Variants in FAF1 observed in about 807,000 individuals in gnomAD.
FAF1 encodes Fas associated factor 1.
FAF1 carries 25 observed loss-of-function variants against 92.5 expected under a neutral mutation model. The ratio of observed to expected loss-of-function variants is 0.27; its 90% CI spans 0.20 to 0.38. The LOEUF (loss-of-function observed/expected upper bound fraction) is 0.38. Among genes scored for constraint, FAF1 ranks in the 10% least tolerant of loss-of-function variants. FAF1 has a pLI of 1.00. For synonymous variants in FAF1, 234 were observed against 273.2 expected (o/e 0.86, Z 1.42); for missense variants, 636 against 793.3 (o/e 0.80, Z 2.38).
At chr1:50,852,781 T>C in intron 2 of FAF1, among the ~76,000 whole-genome samples, 1 of 152,180 alleles carries the variant, frequency 6.6e-6, no homozygotes, top group Admixed American at 6.6e-5. Context: ...TTTTGGGGAC[T>C]GCTGTGAGGA....
At chr1:50,875,143 C>A (rs1383174709) in intron 1 of FAF1, among the ~76,000 whole-genome samples, 4 of 152,062 alleles carry the variant, frequency 2.6e-5, no homozygotes, top group Non-Finnish European at 4.4e-5. Flanking sequence ...TCATACCAAT[C>A]TGAATCTATT....
intron 2 of FAF1, among the ~76,000 whole-genome samples, chr1:50,807,711 CA>C (rs1260012826): frequency 6.6e-6 from 1 of 151,800 alleles, no homozygotes; most frequent in Non-Finnish European, 1.5e-5. Context: ...TTCAGTCAGA[CA>C]AAAATTAAAA....
At chr1:50,826,058 A>C (rs2124626167) in intron 2 of FAF1, among the ~76,000 whole-genome samples, 1 of 152,338 alleles carries the variant, frequency 6.6e-6, no homozygotes, top group East Asian at 1.9e-4. Flanking sequence ...GATACATATT[A>C]AGTATGAAGA....
At chr1:50,681,756 T>G (rs1419537950) in intron 7 of FAF1, among the ~76,000 whole-genome samples, 1 of 151,532 alleles carries the variant, frequency 6.6e-6, no homozygotes, top group Non-Finnish European at 1.5e-5. Flanking sequence ...TGACCTCAGG[T>G]GATCCACCTG....
At chr1:50,701,877 T>TCAA (rs1657487975) in intron 7 of FAF1, among the ~76,000 whole-genome samples, 1 of 152,026 alleles carries the variant, frequency 6.6e-6, no homozygotes, top group South Asian at 2.1e-4. Flanking sequence ...AAGAACTAAA[T>TCAA]CAACAATAAT....
rs538636013 is a variant in FAF1 at position 50,444,578 on chromosome 1, C to T, written c.1870-3055G>A. The stretch of plus-strand genomic sequence containing the variant: ...CAGACAGCAGCTGCCGACGTGGCTA[C>T]TACTGCTTCTCTTATCTTTCTCCCT... On this transcript the variant is annotated intron_variant, in intron 18 of 18. Coordinates refer to ENST00000396153, the MANE Select transcript of FAF1 (RefSeq NM_007051.3). Among the ~76,000 whole-genome samples the T allele has an allele frequency of 3.2e-4, 49 of 152,342 alleles. No individual in the cohort carries two copies. In the East Asian group the frequency reaches 8.9e-3, roughly 28 times the overall value.
intron 6 of FAF1, among the ~76,000 whole-genome samples, chr1:50,710,653 A>G (rs539734806): frequency 6.6e-6 from 1 of 151,398 alleles, no homozygotes; most frequent in Non-Finnish European, 1.5e-5. Context: ...CCCAGGCTGG[A>G]GTGCAGTGGT....
intron 4 of FAF1, among the ~76,000 whole-genome samples, chr1:50,767,197 T>G (rs1660608023): frequency 6.6e-6 from 1 of 152,104 alleles, no homozygotes; most frequent in African/African-American, 2.4e-5. Context: ...ACATCAGAAT[T>G]AGCCAACTGG....
At chr1:50,522,361 G>A (rs919552055) in intron 15 of FAF1, among the ~76,000 whole-genome samples, 1 of 152,062 alleles carries the variant, frequency 6.6e-6, no homozygotes, top group Admixed American at 6.6e-5. Flanking sequence ...ACCTCTATAA[G>A]CCTCAGTTTC....
chr1:50,957,496 C>T (rs1398617133), intron 1 of FAF1, among the ~76,000 whole-genome samples: 1 of 151,816 alleles, frequency 6.6e-6, no homozygotes, highest in Non-Finnish European at 1.5e-5. Context: ...GGACTACAGG[C>T]GCCCGCCACC....
At chr1:50,575,460 T>A (rs1051441870) in intron 12 of FAF1, among the ~76,000 whole-genome samples, 2 of 152,344 alleles carry the variant, frequency 1.3e-5, no homozygotes, top group Non-Finnish European at 2.9e-5. Context: ...TAGATTTTTT[T>A]AAAAATCACA....
intron 18 of FAF1, among the ~76,000 whole-genome samples, chr1:50,473,087 A>C (rs755521949): frequency 1.3e-5 from 2 of 152,168 alleles, no homozygotes; most frequent in Non-Finnish European, 2.9e-5. Flanking sequence ...ATTCAACAAC[A>C]GTTACTGATG....
intron 4 of FAF1, among the ~76,000 whole-genome samples, chr1:50,770,591 T>A (rs556639944): frequency 6.6e-6 from 1 of 152,180 alleles, no homozygotes; most frequent in South Asian, 2.1e-4. Context: ...AAAGACTGCA[T>A]GAAGATATTA....
At chr1:50,830,079 C>A (rs1644138422) in intron 2 of FAF1, among the ~76,000 whole-genome samples, 2 of 152,130 alleles carry the variant, frequency 1.3e-5, no homozygotes, top group African/African-American at 4.8e-5. Flanking sequence ...TCATGACCCC[C>A]AAGGTATCAT....
chr1:50,477,603 C>G (rs1646654051), intron 17 of FAF1, among the ~76,000 whole-genome samples: 1 of 152,114 alleles, frequency 6.6e-6, no homozygotes, highest in South Asian at 2.1e-4. Context: ...AAATATTAAA[C>G]TATTTTAGTA....
At chr1:50,773,182 G>A (rs1660832032) in intron 4 of FAF1, among the ~76,000 whole-genome samples, 1 of 152,224 alleles carries the variant, frequency 6.6e-6, no homozygotes, top group East Asian at 1.9e-4. Flanking sequence ...CTCAGCTGGG[G>A]AAAATTGTTT....
intron 1 of FAF1, among the ~76,000 whole-genome samples, chr1:50,915,029 A>G (rs1644909873): frequency 1.3e-5 from 2 of 152,238 alleles, no homozygotes; most frequent in Non-Finnish European, 2.9e-5. Flanking sequence ...TTTTAGGCTC[A>G]CAGAGGAAGA....
intron 2 of FAF1, among the ~76,000 whole-genome samples, chr1:50,851,713 A>G (rs982591647): frequency 1.2e-4 from 19 of 152,304 alleles, no homozygotes; most frequent in African/African-American, 4.6e-4. Context: ...CATGCAATAA[A>G]GTAATTCTAG....
At chr1:50,463,856 A>G (rs1324456708) in intron 18 of FAF1, among the ~76,000 whole-genome samples, 2 of 152,366 alleles carry the variant, frequency 1.3e-5, no homozygotes, top group Non-Finnish European at 1.5e-5. Flanking sequence ...AACTAGGCAG[A>G]AAATTCTACC....
Sources: gnomAD v4.1 joint callset for allele counts (sites outside exome capture counted in the v4.1 genomes callset) on GRCh38, gnomAD v4.1.1 for gene constraint, MANE v1.5 for transcripts, NCBI Gene and HGNC (gene_info 2026-07-23, HGNC 2026-07-21) for gene names.